Variants in ZNF577 observed in about 807,000 individuals in gnomAD.
The protein encoded by ZNF577 is zinc finger protein 577.
Under a neutral mutation model 13.9 loss-of-function variants are expected in ZNF577, and 14 were observed. The ratio of observed to expected loss-of-function variants is 1.00; its 90% CI spans 0.66 to 1.57. The LOEUF is 1.57. Ranked by LOEUF, ZNF577 falls within the 40% of genes most tolerant of loss-of-function variation. ZNF577 has a pLI of 0.00. For synonymous variants in ZNF577, 203 were observed against 202.9 expected, an observed-to-expected ratio of 1.00 and a Z score of 0.00; for missense variants, 555 against 579.2, an observed-to-expected ratio of 0.96 and a Z score of 0.43.
At position 51,873,717 on chromosome 19, in the gene ZNF577, T is replaced by C; in HGVS notation, c.284-11A>G. 1 of 1,583,134 alleles carries C rather than the reference T, an allele frequency of 6.3e-7. No homozygotes were observed. Among genetic ancestry groups the C allele is most frequent in the Non-Finnish European group, 8.6e-7 (1 of 1,163,598 alleles). On this transcript the variant is annotated splice_polypyrimidine_tract_variant and intron_variant, in intron 5 of 5. Coordinates refer to ENST00000638348, the MANE Select transcript of ZNF577 (RefSeq NM_001370449.1). ...TCTGGATTACAAAACCTAAATGAGA[T>C]TTCAAACTTTTACAATGCGAGCCAA...
rs200656360 is a variant in ZNF577 at position 51,816,064 on chromosome 19, TAAA to T, written c.*600-4393_*600-4391del. ...ACTGGGGAAGAGAGTGAGATCCTATTAAAAAAAAAAAAAAAACCCTTGAGAAAT... is the reference window on the plus strand; with the variant it reads ...ACTGGGGAAGAGAGTGAGATCCTATTAAAAAAAAAAAAACCCTTGAGAAAT... On this transcript the variant is annotated intron_variant and NMD_transcript_variant, in intron 9 of 10. Transcript: ENST00000638827. 8.6e-5 allele frequency among the ~76,000 whole-genome samples: 12 copies of T among 139,152 alleles called. 1 individual carries two copies. Among genetic ancestry groups the T allele is most frequent in the East Asian group, 2.1e-4 (1 of 4,742 alleles). The allele number at this position is 139,152 out of a possible 152,430, so 91.3% of individuals were successfully genotyped here. A position where few individuals can be genotyped will look rare whatever the true frequency, so the allele number is the denominator to read the frequency against.
rs189603468 is a variant in ZNF577, at chr19:51,820,604, T to C, written c.*600-8930A>G. Among the ~76,000 whole-genome samples, 476 of 152,308 alleles carry C rather than the reference T, an allele frequency of 3.1e-3. 4 individuals carry two copies. Among genetic ancestry groups the C allele is most frequent in the South Asian group, 0.011 (53 of 4,822 alleles). ...CAACATTTCCAAATGACTTAGAGATTATTGATACATCATACTGTCTGAATG... is the reference window on the plus strand; with the variant it reads ...CAACATTTCCAAATGACTTAGAGATCATTGATACATCATACTGTCTGAATG... On this transcript the variant is annotated intron_variant and NMD_transcript_variant, in intron 9 of 10. Transcript: ENST00000638827.
intron 9 of ZNF577, among the ~76,000 whole-genome samples, chr19:51,821,437 T>C (rs4802873): frequency 0.48 from 73,298 of 151,860 alleles, 18,309 homozygotes; most frequent in African/African-American, 0.62. Context: ...AGGCCAGGGG[T>C]GTTGCTAAAT....
intron 3 of ZNF577, 21 bp downstream of exon 3, chr19:51,880,301 CT>C (rs1568450168): frequency 6.2e-7 from 1 of 1,612,422 alleles, no homozygotes; most frequent in East Asian, 2.2e-5. Context: ...TTCTCAAGCT[CT>C]CACAGCAATG....
rs1362584392 is a variant in ZNF577, at chr19:51,877,283, T to G, written c.282A>C (p.Pro94=). ...TTTTCTTAGTTTTCACTCACTTACCTGGACAGATTTGACTGTGGGCTGCTC... is the reference window on the plus strand; with the variant it reads ...TTTTCTTAGTTTTCACTCACTTACCGGGACAGATTTGACTGTGGGCTGCTC... ...AEGAAHSQIC[P]GFVIQSRRYA... is the part of the protein sequence containing the mutation. The change falls in exon 5 of 6, where the codon CCA becomes CCC. Residue 94 remains proline, a splice_region_variant and synonymous_variant. Coordinates refer to ENST00000638348, the MANE Select transcript of ZNF577 (RefSeq NM_001370449.1). The G allele has an allele frequency of 1.9e-6, 3 of 1,613,828 alleles. No individual in the cohort carries two copies. In the Admixed American group the frequency reaches 5.0e-5, roughly 27 times the overall value.
At chr19:51,857,892 T>G (rs2122590074) in intron 5 of ZNF577, among the ~76,000 whole-genome samples, 1 of 152,232 alleles carries the variant, frequency 6.6e-6, no homozygotes, top group Middle Eastern at 3.4e-3. Flanking sequence ...CAGGCTGGTC[T>G]CAAACTCCTG....
At chr19:51,877,517 T>C in intron 4 of ZNF577, 140 bp from the exon 5 acceptor site, 1 of 650,262 alleles carries the variant, frequency 1.5e-6, no homozygotes, top group Admixed American at 2.7e-5. Flanking sequence ...GCACAACCAC[T>C]TCGTGCCAGG....
At chr19:51,854,460 C>T (rs2084397871) in intron 5 of ZNF577, among the ~76,000 whole-genome samples, 1 of 150,136 alleles carries the variant, frequency 6.7e-6, no homozygotes, top group East Asian at 1.9e-4. Context: ...TCCTGAGTAG[C>T]TGGGACTACA....
chr19:51,870,645 C>A lies in ZNF577; in HGVS notation c.*1887G>T, dbSNP rs1441287155. ...TCTCACATACATATGCTGATTATGA[C>A]TCAAAAGGCTTGTGGGGGAAACTCT... On this transcript the variant is annotated 3_prime_UTR_variant, in exon 6 of 6. Transcript: ENST00000638348. Among the ~76,000 whole-genome samples the A allele has an allele frequency of 6.6e-6, 1 of 152,170 alleles. No individual in the cohort carries two copies.
At chr19:51,879,587 A>T (rs2084828296) in intron 3 of ZNF577, among the ~76,000 whole-genome samples, 1 of 152,174 alleles carries the variant, frequency 6.6e-6, no homozygotes. Flanking sequence ...GAAAAAAAGT[A>T]ATAATATTTA....
At chr19:51,849,090 CTCTTT>C (rs902085773) in intron 5 of ZNF577, among the ~76,000 whole-genome samples, 34 of 152,168 alleles carry the variant, frequency 2.2e-4, no homozygotes, top group Admixed American at 1.0e-3. Flanking sequence ...CATTTTCTGT[CTCTTT>C]TATTATATAA....
chr19:51,828,124 T>C (rs994895321), intron 9 of ZNF577, among the ~76,000 whole-genome samples: 3 of 152,108 alleles, frequency 2.0e-5, no homozygotes, highest in African/African-American at 7.2e-5. Context: ...TCCCAGCACT[T>C]TGGGAGGCCG....
chr19:51,880,030 T>A (rs2084836020), intron 3 of ZNF577, among the ~76,000 whole-genome samples: 1 of 152,144 alleles, frequency 6.6e-6, no homozygotes, highest in African/African-American at 2.4e-5. Flanking sequence ...TCAGGGAGGA[T>A]CATTCAAAGG....
chr19:51,882,985 T>C lies in ZNF577; in HGVS notation c.-218-2108A>G, dbSNP rs570223439. ...AGGGTATCATTTTGTGTGGGCTTTT[T>C]AAAAAAAATTTTTTTTTTTTTTTTT... On this transcript the variant is annotated intron_variant, in intron 1 of 5. Coordinates refer to ENST00000638348, the MANE Select transcript of ZNF577 (RefSeq NM_001370449.1). Among the ~76,000 whole-genome samples, 12 of 147,366 alleles carry C rather than the reference T, an allele frequency of 8.1e-5. No individual in the cohort carries two copies. In the East Asian group the frequency reaches 2.4e-3, roughly 30 times the overall value.
chr19:51,823,103 T>G (rs945591650), intron 9 of ZNF577, among the ~76,000 whole-genome samples: 1 of 152,134 alleles, frequency 6.6e-6, no homozygotes, highest in Non-Finnish European at 1.5e-5. Flanking sequence ...TCTCAAGTGA[T>G]CCACTCTCCT....
rs553884817 is a variant in ZNF577 at position 51,836,977 on chromosome 19, G to A, written c.*599+2916C>T. The stretch of plus-strand genomic sequence containing the variant: ...GAGAACTGCTTGAACCCAGGAGGCA[G>A]AGGTTGCAGTGAGCCCAGAGGGCGC... On this transcript the variant is annotated intron_variant and NMD_transcript_variant, in intron 9 of 10. Transcript: ENST00000638827. Among the ~76,000 whole-genome samples, 10 of 149,898 alleles carry A rather than the reference G, an allele frequency of 6.7e-5. No individual in the cohort carries two copies. The East Asian group carries it at 7.9e-4, about 12-fold the overall frequency.
downstream of ZNF577, among the ~76,000 whole-genome samples, chr19:51,864,304 TAAGAACC>T (rs2084535746): frequency 6.6e-6 from 1 of 152,184 alleles, no homozygotes; most frequent in South Asian, 2.1e-4. Context: ...TGAAGTCTTT[TAAGAACC>T]AAGATGTTTC....
Position 51,868,106 on chromosome 19 carries a change from A to G in ZNF577, c.*4426T>C, listed in dbSNP as rs931404835. On this transcript the variant is annotated 3_prime_UTR_variant, in exon 6 of 6. Transcript: ENST00000638348. ...GGAATCTGTAAATCTGTGCACCAGC[A>G]GTTGTAGGTTTTTAAGTGTGTCAAA... 6.6e-6 allele frequency among the ~76,000 whole-genome samples: 1 copy of G among 152,216 alleles called. No individual in the cohort carries two copies. Among genetic ancestry groups the G allele is most frequent in the East Asian group, 1.9e-4 (1 of 5,198 alleles).
At chr19:51,857,237 T>C (rs1003696372) in intron 5 of ZNF577, among the ~76,000 whole-genome samples, 2 of 151,308 alleles carry the variant, frequency 1.3e-5, no homozygotes, top group Admixed American at 6.6e-5. Flanking sequence ...AGGCGGAGGC[T>C]GCAGTGAACC....
Sources: gnomAD v4.1 joint callset for allele counts (sites outside exome capture counted in the v4.1 genomes callset) on GRCh38, gnomAD v4.1.1 for gene constraint, MANE v1.5 for transcripts, NCBI Gene and HGNC (gene_info 2026-07-23, HGNC 2026-07-21) for gene names.